ASPH: variants seen among roughly 807,000 people sequenced by gnomAD.
The protein encoded by ASPH is aspartate beta-hydroxylase.
Under a neutral mutation model 118.4 loss-of-function variants are expected in ASPH, and 100 were observed. The observed-to-expected ratio is 0.84, with a 90% CI of 0.72 to 1.00. The LOEUF (loss-of-function observed/expected upper bound fraction) is 1.00, where lower values mean the gene tolerates loss of function less well. Ranked by LOEUF, ASPH falls within the 50% of genes least tolerant of loss-of-function variation. The pLI is 0.00. For missense variants in ASPH, 920 were observed against 919.5 expected (o/e 1.00, Z -0.01); for synonymous variants, 315 against 325.6 (o/e 0.97, Z 0.35).
intron 17 of ASPH, among the ~76,000 whole-genome samples, chr8:61,564,307 T>C (rs111833083): frequency 0.099 from 15,024 of 151,102 alleles, 1,737 homozygotes; most frequent in African/African-American, 0.28. Context: ...CTTTTTTTTT[T>C]TTTTTTTTTG....
intron 17 of ASPH, among the ~76,000 whole-genome samples, chr8:61,566,879 T>C (rs1831888753): frequency 1.3e-5 from 2 of 152,246 alleles, no homozygotes; most frequent in Admixed American, 1.3e-4. Context: ...TGACATAGTA[T>C]AAATACAACT....
Position 61,653,623 on chromosome 8 carries a change from C to A in ASPH, c.360G>T (p.Pro120=), listed in dbSNP as rs760519284. 2 of 1,613,762 alleles carry A rather than the reference C, an allele frequency of 1.2e-6. No individual in the cohort carries two copies. The highest frequency in any genetic ancestry group is 1.7e-4 in the Middle Eastern group (1 of 6,016). ...KERSTSEPAV[P]PEEAEPHTEP... is the part of the protein sequence containing the mutation. ...CAGTGTGTGGCTCAGCCTCTTCTGG[C>A]GGGACTGCTGGCTCTGAAGTAGATC... Residue 120 remains proline, a synonymous_variant, in exon 4 of 25, where the codon CCG becomes CCT. Transcript: ENST00000379454.
intron 1 of ASPH, among the ~76,000 whole-genome samples, chr8:61,701,472 A>G (rs1291265455): frequency 6.6e-6 from 1 of 152,254 alleles, no homozygotes; most frequent in Non-Finnish European, 1.5e-5. Flanking sequence ...CTAGAAAAAA[A>G]CTATAAAATA....
At chr8:61,663,154 T>C in intron 3 of ASPH, 7 of 985,430 alleles carry the variant, frequency 7.1e-6, no homozygotes, top group Middle Eastern at 5.2e-4. Flanking sequence ...AACTTTCATA[T>C]GCCTGGGGGA....
intron 21 of ASPH, among the ~76,000 whole-genome samples, chr8:61,533,109 T>A (rs182170379): frequency 1.1e-4 from 16 of 152,090 alleles, no homozygotes; most frequent in Non-Finnish European, 1.6e-4. Context: ...TTCTTCTTTT[T>A]TTTTTTTTGC....
chr8:61,524,544 GA>G (rs1236527166), intron 22 of ASPH, among the ~76,000 whole-genome samples: 2 of 152,070 alleles, frequency 1.3e-5, no homozygotes, highest in African/African-American at 4.8e-5. Flanking sequence ...CATTCAATGG[GA>G]ATAAGAATTT....
intron 1 of ASPH, chr8:61,689,726 T>TA: frequency 6.5e-7 from 1 of 1,550,252 alleles, no homozygotes; most frequent in Non-Finnish European, 8.7e-7. Flanking sequence ...AATGCTAAAG[T>TA]AAAACAAAAC....
chr8:61,593,467 T>C (rs1040335447), intron 14 of ASPH, among the ~76,000 whole-genome samples: 3 of 152,216 alleles, frequency 2.0e-5, no homozygotes, highest in Non-Finnish European at 4.4e-5. Context: ...TATTCAAAGC[T>C]TAAACCAAAC....
intron 21 of ASPH, among the ~76,000 whole-genome samples, chr8:61,534,383 G>T (rs150783572): frequency 2.5e-4 from 38 of 151,938 alleles, no homozygotes; most frequent in South Asian, 1.9e-3. Context: ...CCTATTAGCC[G>T]GCAAAACCCC....
At chr8:61,509,478 C>G (rs1391921019) in intron 24 of ASPH, among the ~76,000 whole-genome samples, 1 of 152,180 alleles carries the variant, frequency 6.6e-6, no homozygotes, top group Admixed American at 6.5e-5. Context: ...GTGAGGACGA[C>G]CAGAGGTCAC....
intron 20 of ASPH, among the ~76,000 whole-genome samples, chr8:61,548,740 A>C (rs1824802027): frequency 6.6e-6 from 1 of 152,238 alleles, no homozygotes; most frequent in Non-Finnish European, 1.5e-5. Context: ...TTAAGTAGAC[A>C]GAAGGGAAAA....
At chr8:61,701,730 T>C (rs1835289475) in intron 1 of ASPH, among the ~76,000 whole-genome samples, 1 of 152,174 alleles carries the variant, frequency 6.6e-6, no homozygotes, top group Admixed American at 6.5e-5. Context: ...GTTCAATTTT[T>C]AACAAACCAA....
At chr8:61,608,873 T>C (rs1056867144) in intron 14 of ASPH, among the ~76,000 whole-genome samples, 1 of 152,218 alleles carries the variant, frequency 6.6e-6, no homozygotes, top group Admixed American at 6.5e-5. Context: ...CTGCAGTCCT[T>C]TGCTCTCACT....
At chr8:61,670,584 G>T (rs940222414) in intron 3 of ASPH, among the ~76,000 whole-genome samples, 1 of 152,002 alleles carries the variant, frequency 6.6e-6, no homozygotes, top group East Asian at 1.9e-4. Context: ...GAGGGGAACA[G>T]AAAAGGAAAA....
At chr8:61,711,518 T>C (rs1025702755) in intron 1 of ASPH, among the ~76,000 whole-genome samples, 1 of 152,142 alleles carries the variant, frequency 6.6e-6, no homozygotes, top group African/African-American at 2.4e-5. Flanking sequence ...GAAAACCATT[T>C]TATCATTTTT....
intron 14 of ASPH, among the ~76,000 whole-genome samples, chr8:61,595,742 T>A (rs1302527036): frequency 6.6e-6 from 1 of 152,200 alleles, no homozygotes; most frequent in Non-Finnish European, 1.5e-5. Context: ...ATGGCCTGGA[T>A]GCACCATCAG....
chr8:61,702,834 C>T (rs1835597046), intron 1 of ASPH, among the ~76,000 whole-genome samples: 1 of 152,090 alleles, frequency 6.6e-6, no homozygotes, highest in African/African-American at 2.4e-5. Context: ...CATTTACCAT[C>T]TAAAGTATGG....
intron 22 of ASPH, among the ~76,000 whole-genome samples, chr8:61,521,222 G>A (rs1269677272): frequency 1.3e-5 from 2 of 152,162 alleles, no homozygotes; most frequent in Admixed American, 1.3e-4. Context: ...AGCAGAGCAG[G>A]AATTTCAATT....
At chr8:61,648,277 T>TA (rs1245450783) in intron 5 of ASPH, among the ~76,000 whole-genome samples, 2 of 152,176 alleles carry the variant, frequency 1.3e-5, no homozygotes, top group Middle Eastern at 3.2e-3. Context: ...TGAATCCCCC[T>TA]ACCCCACAAC....
Sources: allele counts gnomAD v4.1 joint callset (sites outside exome capture counted in the v4.1 genomes callset), GRCh38; gene constraint gnomAD v4.1.1; transcripts MANE v1.5; gene names NCBI Gene and HGNC (gene_info 2026-07-23, HGNC 2026-07-21).